TEK: variants seen among roughly 807,000 people sequenced by gnomAD.
The protein encoded by TEK is angiopoietin-1 receptor.
In TEK, 43 loss-of-function variants were observed where a neutral mutation model predicts 131.8. The ratio of observed to expected loss-of-function variants is 0.33; its 90% CI spans 0.26 to 0.42. The LOEUF is 0.42. TEK is among the 10% of genes least tolerant of loss of function. The pLI is 1.00. For missense variants in TEK, 1,162 were observed against 1,384.4 expected, an observed-to-expected ratio of 0.84 and a Z score of 2.55; for synonymous variants, 580 against 491.6, an observed-to-expected ratio of 1.18 and a Z score of -2.38.
At chr9:27,203,698 T>C (rs1319528) in intron 13 of TEK, among the ~76,000 whole-genome samples, 15,800 of 152,288 alleles carry the variant, frequency 0.1, 1,044 homozygotes, top group Non-Finnish European at 0.14. Flanking sequence ...GGGTCCCATG[T>C]GGGTGGAGCT....
In TEK at chr9:27,167,378, C is replaced by G. The variant is rs557989895; in HGVS notation, c.365-1117C>G. Reference sequence around the variant, plus strand: ...GAGTAGCTGGAATTAAAGGCATGTCCCACCGTGCCCGGCTAATTTTTGTAT... The same window carrying G: ...GAGTAGCTGGAATTAAAGGCATGTCGCACCGTGCCCGGCTAATTTTTGTAT... On this transcript the variant is annotated intron_variant, in intron 2 of 22. Coordinates refer to ENST00000380036, the MANE Select transcript of TEK (RefSeq NM_000459.5). Among the ~76,000 whole-genome samples the G allele has an allele frequency of 2.0e-5, 3 of 152,186 alleles. No individual in the cohort carries two copies. The South Asian group carries it at 6.2e-4, about 32-fold the overall frequency.
intron 1 of TEK, among the ~76,000 whole-genome samples, chr9:27,150,356 C>T (rs1286044938): frequency 6.6e-6 from 1 of 152,140 alleles, no homozygotes; most frequent in Admixed American, 6.5e-5. Flanking sequence ...CCTGTAATCC[C>T]AGCATTTTGG....
chr9:27,221,509 G>T (rs932015579), intron 21 of TEK, among the ~76,000 whole-genome samples: 1 of 151,938 alleles, frequency 6.6e-6, no homozygotes. Flanking sequence ...GGGTCGACAG[G>T]ACATCTTATA....
chr9:27,187,013 A>G (rs1190359019), intron 9 of TEK, among the ~76,000 whole-genome samples: 1 of 152,160 alleles, frequency 6.6e-6, no homozygotes, highest in Non-Finnish European at 1.5e-5. Flanking sequence ...AATTTCTTGC[A>G]TCTTGAATGT....
chr9:27,189,709 G>A (rs1272525604), intron 9 of TEK, among the ~76,000 whole-genome samples: 1 of 152,130 alleles, frequency 6.6e-6, no homozygotes, highest in Non-Finnish European at 1.5e-5. Flanking sequence ...GTCTCTAGAA[G>A]CTAGAAAGAA....
intron 11 of TEK, among the ~76,000 whole-genome samples, chr9:27,196,762 C>CTTTTTTTT (rs367911024): frequency 2.0e-5 from 2 of 99,276 alleles, no homozygotes; most frequent in Non-Finnish European, 4.0e-5. Flanking sequence ...GTGCTATACA[C>CTTTTTTTT]TTTTTTTTTT....
chr9:27,168,200 T>A (rs139766647), intron 2 of TEK, among the ~76,000 whole-genome samples: 3 of 152,200 alleles, frequency 2.0e-5, no homozygotes, highest in African/African-American at 7.2e-5. Context: ...TCTGAACTAA[T>A]CAACACAAAG....
rs948445821 is a variant in TEK at position 27,188,149 on chromosome 9, C to A, written c.1328-2380C>A. Among the ~76,000 whole-genome samples, 3 of 152,184 alleles carry A rather than the reference C, an allele frequency of 2.0e-5. No homozygotes were observed. The South Asian group carries it at 6.2e-4, about 32-fold the overall frequency. On this transcript the variant is annotated intron_variant, in intron 9 of 22. Transcript: ENST00000380036. ...CATTTATATAAAGCTAAAGAACAGG[C>A]AATACTAATCTTCAGTCACAGAAGT...
chr9:27,130,604 T>C (rs889763903), intron 1 of TEK, among the ~76,000 whole-genome samples: 15 of 149,610 alleles, frequency 1.0e-4, no homozygotes, highest in African/African-American at 3.7e-4. Flanking sequence ...GGAACAAATA[T>C]GGTAAATAAA....
intron 21 of TEK, among the ~76,000 whole-genome samples, chr9:27,226,590 G>A (rs1826337627): frequency 6.6e-6 from 1 of 152,112 alleles, no homozygotes; most frequent in Non-Finnish European, 1.5e-5. Flanking sequence ...TGGGGGCTAG[G>A]GGAGGGATAG....
intron 1 of TEK, among the ~76,000 whole-genome samples, chr9:27,130,040 T>A (rs559908557): frequency 6.6e-6 from 1 of 152,358 alleles, no homozygotes; most frequent in Admixed American, 6.5e-5. Context: ...GATATTGGTT[T>A]TGAAATTTAA....
Position 27,173,379 on chromosome 9 carries a change from C to T in TEK, c.901+17C>T. 6.2e-7 allele frequency: 1 copy of T among 1,613,660 alleles called. No homozygotes were observed. On this transcript the variant is annotated intron_variant, in intron 6 of 22. Coordinates refer to ENST00000380036, the MANE Select transcript of TEK (RefSeq NM_000459.5). ...GCAATGAAGGTATGCACCAATCACACCCTTGGACAGAGGATGTTCTAGCAG... is the reference window on the plus strand; with the variant it reads ...GCAATGAAGGTATGCACCAATCACATCCTTGGACAGAGGATGTTCTAGCAG...
At chr9:27,179,838 T>G (rs747533078) in intron 6 of TEK, among the ~76,000 whole-genome samples, 1 of 152,206 alleles carries the variant, frequency 6.6e-6, no homozygotes, top group South Asian at 2.1e-4. Context: ...AGGTTTTCTT[T>G]GGAGTTGTAG....
intron 1 of TEK, among the ~76,000 whole-genome samples, chr9:27,136,984 C>T (rs777882534): frequency 1.3e-5 from 2 of 152,210 alleles, no homozygotes; most frequent in South Asian, 2.1e-4. Context: ...GGCGCAGTCT[C>T]GGCTCACTGC....
rs369394656 is a variant in TEK, at chr9:27,185,542, A to C, written c.1240A>C (p.Ile414Leu). The C allele has an allele frequency of 1.9e-5, 31 of 1,613,442 alleles. No individual in the cohort carries two copies. Among genetic ancestry groups the C allele is most frequent in the African/African-American group, 9.4e-5 (7 of 74,766 alleles). Residue 414 changes from isoleucine (I) to leucine (L), a missense_variant, in exon 9 of 23, where the codon ATC (isoleucine) becomes CTC (leucine). Ile to Leu is a conservative substitution (Grantham distance 5). Coordinates refer to ENST00000380036, the MANE Select transcript of TEK (RefSeq NM_000459.5). ...AGTAGCCATATTCACCATCCACCGG[A>C]TCCTCCCCCCTGACTCAGGAGTTTG... ...FSVAIFTIHR[I>L]LPPDSGVWVC... is the part of the protein sequence containing the mutation.
At chr9:27,114,782 A>G (rs1309275492) in intron 1 of TEK, among the ~76,000 whole-genome samples, 1 of 152,240 alleles carries the variant, frequency 6.6e-6, no homozygotes, top group Admixed American at 6.5e-5. Context: ...AGATATACTC[A>G]TAAAAGTGGT....
chr9:27,117,843 G>A (rs1821629090), intron 1 of TEK, among the ~76,000 whole-genome samples: 1 of 152,170 alleles, frequency 6.6e-6, no homozygotes, highest in Non-Finnish European at 1.5e-5. Flanking sequence ...CAGCAGATCT[G>A]TCAGCTTTCC....
intron 6 of TEK, among the ~76,000 whole-genome samples, chr9:27,175,321 C>A (rs4436212): frequency 0.74 from 109,441 of 147,934 alleles, 41,302 homozygotes; most frequent in African/African-American, 0.87. Flanking sequence ...ATGAACTCAT[C>A]ATTTTTTATG....
At chr9:27,206,340 C>G (rs1825399527) in intron 14 of TEK, among the ~76,000 whole-genome samples, 1 of 152,200 alleles carries the variant, frequency 6.6e-6, no homozygotes. Context: ...CTCCGTCACC[C>G]TTTACAGACA....
Sources: allele counts gnomAD v4.1 joint callset (sites outside exome capture counted in the v4.1 genomes callset), GRCh38; gene constraint gnomAD v4.1.1; transcripts MANE v1.5; gene names NCBI Gene and HGNC (gene_info 2026-07-23, HGNC 2026-07-21).